Variants in PIK3R6 observed in about 807,000 individuals in gnomAD.
PIK3R6 encodes phosphoinositide-3-kinase regulatory subunit 6.
In PIK3R6, 91 loss-of-function variants were observed where a neutral mutation model predicts 84.9. That is an observed-to-expected ratio of 1.07 (90% CI 0.90 to 1.28). PIK3R6 has a LOEUF of 1.28. PIK3R6 is among the 50% of genes most tolerant of loss of function. The pLI is 0.00. For synonymous variants in PIK3R6, 416 were observed against 411.4 expected (o/e 1.01, Z -0.13); for missense variants, 996 against 985.1 (o/e 1.01, Z -0.15).
chr17:8,823,217 T>C (rs2087800254), intron 14 of PIK3R6, 131 bp from the exon 15 acceptor site: 2 of 835,278 alleles, frequency 2.4e-6, no homozygotes, highest in Admixed American at 4.8e-5. Context: ...TTTGAGGTCT[T>C]GAAGTTAATA....
chr17:8,844,611 C>A lies in PIK3R6; in HGVS notation c.14-4914G>T, dbSNP rs954989827. ...TATTAATATTATTATTAATATTAAA[C>A]TTTTTTTATTTAAAATTTTTTTAAC... On this transcript the variant is annotated intron_variant, in intron 2 of 19. Coordinates refer to ENST00000619866, the MANE Select transcript of PIK3R6 (RefSeq NM_001010855.4). This position sits in a 1 kb window ranked among gnomAD's most constrained non-coding sequence, Gnocchi z 4.5. Among the ~76,000 whole-genome samples the A allele has an allele frequency of 6.6e-6, 1 of 151,810 alleles. No homozygotes were observed. Among genetic ancestry groups the A allele is most frequent in the Non-Finnish European group, 1.5e-5 (1 of 67,958 alleles).
intron 9 of PIK3R6, among the ~76,000 whole-genome samples, chr17:8,830,910 G>A (rs2088209889): frequency 1.3e-5 from 2 of 152,036 alleles, no homozygotes; most frequent in Admixed American, 6.6e-5. Context: ...TTGGGACGCC[G>A]AGGAGGGTGG....
intron 11 of PIK3R6, 79 bp downstream of exon 11, chr17:8,828,488 T>G: frequency 6.6e-7 from 1 of 1,523,030 alleles, no homozygotes; most frequent in African/African-American, 1.4e-5. Flanking sequence ...TGCCACCCTG[T>G]GATCCTTCAC....
Position 8,825,651 on chromosome 17 carries a change from G to GA in PIK3R6, c.1515+1520dup, listed in dbSNP as rs1208215426. Among the ~76,000 whole-genome samples, 3 of 152,170 alleles carry GA rather than the reference G, an allele frequency of 2.0e-5. No individual in the cohort carries two copies. In the East Asian group the frequency reaches 5.8e-4, roughly 29 times the overall value. ...TTTAGGACAACTAGCTCAACATTTG[G>GA]AAAAAATAAAATGACATACTTCACA... On this transcript the variant is annotated intron_variant, in intron 13 of 19. Transcript: ENST00000619866.
intron 8 of PIK3R6, 105 bp from the exon 9 acceptor site, chr17:8,833,150 C>T (rs1038302991): frequency 3.0e-5 from 42 of 1,406,224 alleles, no homozygotes; most frequent in African/African-American, 2.9e-5. Flanking sequence ...GACACCTCTC[C>T]GCTGCCCCTG....
intron 18 of PIK3R6, among the ~76,000 whole-genome samples, chr17:8,813,265 T>C (rs2087415808): frequency 6.7e-6 from 1 of 149,128 alleles, no homozygotes; most frequent in Non-Finnish European, 1.5e-5. Context: ...AAAAAAACTC[T>C]CAATTAAAAA....
At chr17:8,865,192 A>G (rs1290527961) in intron 1 of PIK3R6, among the ~76,000 whole-genome samples, 1 of 152,202 alleles carries the variant, frequency 6.6e-6, no homozygotes, top group South Asian at 2.1e-4. Flanking sequence ...GCTCAGGTTC[A>G]GAGTTTCTGA....
At chr17:8,827,117 C>A in intron 13 of PIK3R6, 55 bp downstream of exon 13, 1 of 1,589,744 alleles carries the variant, frequency 6.3e-7, no homozygotes. Context: ...CTCCCCTCTG[C>A]CCAGACCCCA....
In PIK3R6 at chr17:8,813,793, T is replaced by C. The variant is rs117436404; in HGVS notation, c.1995+5290A>G. ...AAAGCCATATATGACAAACCCACAG[T>C]CAACATCACACTGAGTGGGGAAAAA... On this transcript the variant is annotated intron_variant, in intron 18 of 19. Coordinates refer to ENST00000619866, the MANE Select transcript of PIK3R6 (RefSeq NM_001010855.4). Among the ~76,000 whole-genome samples, 1,028 of 151,448 alleles carry C rather than the reference T, an allele frequency of 6.8e-3. 14 individuals carry two copies. The highest frequency in any genetic ancestry group is 0.035 in the East Asian group (182 of 5,174).
At position 8,835,327 on chromosome 17, in the gene PIK3R6, C is replaced by T; in HGVS notation, c.591G>A (p.Leu197=). ...TCMRHVVSHA[L]QAALGEACHA... Reference sequence around the variant, plus strand: ...GACAGGCCTCCCCCAGAGCCGCCTGCAGGGCGTGGGAGACCACGTGGCGCA... The same window carrying T: ...GACAGGCCTCCCCCAGAGCCGCCTGTAGGGCGTGGGAGACCACGTGGCGCA... Residue 197 remains leucine (L), a synonymous_variant, in exon 8 of 20, where the codon CTG becomes CTA. Transcript: ENST00000619866. The T allele has an allele frequency of 6.2e-7, 1 of 1,605,330 alleles. No individual in the cohort carries two copies. Among genetic ancestry groups the T allele is most frequent in the Non-Finnish European group, 8.5e-7 (1 of 1,174,342 alleles).
intron 18 of PIK3R6, among the ~76,000 whole-genome samples, chr17:8,817,762 T>C (rs1056787602): frequency 5.3e-5 from 8 of 152,140 alleles, no homozygotes; most frequent in African/African-American, 1.9e-4. Flanking sequence ...CAGCAGGACA[T>C]GTGTAACCAG....
At chr17:8,864,602 A>G (rs1047828739) in intron 1 of PIK3R6, among the ~76,000 whole-genome samples, 1 of 136,390 alleles carries the variant, frequency 7.3e-6, no homozygotes, top group Non-Finnish European at 1.5e-5. Context: ...CAGTGGCGCA[A>G]TCTCGTCTCA....
At chr17:8,836,426 G>T in intron 7 of PIK3R6, 121 bp downstream of exon 7, 2 of 1,014,034 alleles carry the variant, frequency 2.0e-6, no homozygotes, top group Non-Finnish European at 3.0e-6. Flanking sequence ...TCATGGCTGG[G>T]GAGGTCTGCT....
intron 9 of PIK3R6, among the ~76,000 whole-genome samples, chr17:8,830,500 G>A (rs1335759602): frequency 6.6e-6 from 1 of 152,192 alleles, no homozygotes; most frequent in Non-Finnish European, 1.5e-5. Flanking sequence ...CCACTCATGA[G>A]GCTGCAAGCT....
intron 1 of PIK3R6, among the ~76,000 whole-genome samples, chr17:8,859,045 C>T (rs2089210378): frequency 6.6e-6 from 1 of 152,102 alleles, no homozygotes; most frequent in South Asian, 2.1e-4. Flanking sequence ...TAAGCACATG[C>T]AATTGTCTTG....
intron 17 of PIK3R6, among the ~76,000 whole-genome samples, chr17:8,820,580 G>A (rs1443430281): frequency 6.6e-6 from 1 of 152,174 alleles, no homozygotes; most frequent in Non-Finnish European, 1.5e-5. Flanking sequence ...CCACAATTAT[G>A]CGTCTCCTTC....
chr17:8,805,961 G>C (rs2087194046), intron 18 of PIK3R6, among the ~76,000 whole-genome samples: 1 of 123,454 alleles, frequency 8.1e-6, no homozygotes, highest in Admixed American at 8.7e-5. Flanking sequence ...TTAGTGCTCT[G>C]TGCTCTGGAG....
At chr17:8,818,367 G>A (rs1014613403) in intron 18 of PIK3R6, among the ~76,000 whole-genome samples, 6 of 152,186 alleles carry the variant, frequency 3.9e-5, no homozygotes, top group Admixed American at 3.3e-4. Flanking sequence ...AGTAAGTACT[G>A]GCCAGGCGTG....
intron 18 of PIK3R6, among the ~76,000 whole-genome samples, chr17:8,812,856 AC>A (rs2151184313): frequency 6.6e-6 from 1 of 152,302 alleles, no homozygotes; most frequent in Admixed American, 6.5e-5. Flanking sequence ...AAAAATAAGA[AC>A]AAACCACACC....
Sources: allele counts gnomAD v4.1 joint callset (sites outside exome capture counted in the v4.1 genomes callset), GRCh38; gene constraint gnomAD v4.1.1; non-coding constraint Gnocchi (gnomAD v3.1); transcripts MANE v1.5; gene names NCBI Gene and HGNC (gene_info 2026-07-23, HGNC 2026-07-21).